Variants in OSMR observed in about 807,000 individuals in gnomAD.
OSMR encodes oncostatin M receptor.
Under a neutral mutation model 99.9 loss-of-function variants are expected in OSMR, and 81 were observed. That is an observed-to-expected ratio of 0.81 (90% CI 0.68 to 0.97). The LOEUF (loss-of-function observed/expected upper bound fraction) is 0.97. Among genes scored for constraint, OSMR ranks in the 50% least tolerant of loss-of-function variants. OSMR has a pLI of 0.00. For synonymous variants in OSMR, 406 were observed against 410.4 expected (o/e 0.99, Z 0.13); for missense variants, 1,099 against 1,153.4 (o/e 0.95, Z 0.68).
intron 1 of OSMR, among the ~76,000 whole-genome samples, chr5:38,865,594 G>T (rs1316256576): frequency 6.6e-6 from 1 of 152,224 alleles, no homozygotes; most frequent in Non-Finnish European, 1.5e-5. Context: ...GAAGGATGGG[G>T]ACACCAGACA....
At chr5:38,873,547 T>G (rs1032454593) in intron 2 of OSMR, among the ~76,000 whole-genome samples, 8 of 152,234 alleles carry the variant, frequency 5.3e-5, no homozygotes. Context: ...GTTAACTTTT[T>G]GAAGAACTGT....
At chr5:38,874,804 C>T (rs1045583057) in intron 2 of OSMR, among the ~76,000 whole-genome samples, 1 of 152,152 alleles carries the variant, frequency 6.6e-6, no homozygotes, top group African/African-American at 2.4e-5. Context: ...GTTATTTACC[C>T]TGATTGAGCT....
At chr5:38,903,485 G>A (rs537760019) in intron 7 of OSMR, among the ~76,000 whole-genome samples, 1 of 152,354 alleles carries the variant, frequency 6.6e-6, no homozygotes, top group East Asian at 1.9e-4. Context: ...CTCATCTAAA[G>A]ATGTTGCATT....
At position 38,884,219 on chromosome 5, in the gene OSMR, C is replaced by G; in HGVS notation, c.703+108C>G. On this transcript the variant is annotated intron_variant, in intron 5 of 17. Coordinates refer to ENST00000274276, the MANE Select transcript of OSMR (RefSeq NM_003999.3). ...CATTTCTACCCATGATCTTGATTTT[C>G]TTTTGTTTCCCAAGTTTTCTAGGAG... 4.1e-6 allele frequency: 4 copies of G among 966,042 alleles called. No individual in the cohort carries two copies. In the South Asian group the frequency reaches 5.3e-5, roughly 13 times the overall value. The allele number at this position is 966,042 out of a possible 1,614,324, so 59.8% of individuals were successfully genotyped here. A position where few individuals can be genotyped will look rare whatever the true frequency, so the allele number is the denominator to read the frequency against.
At chr5:38,867,414 TG>T (rs1226202423) in intron 1 of OSMR, among the ~76,000 whole-genome samples, 4 of 152,248 alleles carry the variant, frequency 2.6e-5, no homozygotes, top group African/African-American at 7.2e-5. Flanking sequence ...TCTGGTTTAC[TG>T]AATCGCTGGC....
chr5:38,870,784 T>C (rs1023031793), intron 2 of OSMR, among the ~76,000 whole-genome samples: 6 of 152,312 alleles, frequency 3.9e-5, no homozygotes, highest in South Asian at 4.1e-4. Flanking sequence ...TGGTGCCTTA[T>C]CTACTGGTTA....
chr5:38,853,964 C>T (rs892396265), intron 1 of OSMR, among the ~76,000 whole-genome samples: 3 of 151,596 alleles, frequency 2.0e-5, no homozygotes, highest in African/African-American at 7.3e-5. Context: ...GGAGTGAACA[C>T]TTGTAAGTAA....
At chr5:38,868,957 C>T in intron 1 of OSMR, 75 bp from the exon 2 acceptor site, 1 of 1,555,314 alleles carries the variant, frequency 6.4e-7, no homozygotes, top group East Asian at 2.4e-5. Flanking sequence ...CCTCATCTAC[C>T]ACAATTGGCT....
chr5:38,861,063 T>G lies in OSMR; in HGVS notation c.-13-7969T>G, dbSNP rs142827717. Among the ~76,000 whole-genome samples, 9 of 152,352 alleles carry G rather than the reference T, an allele frequency of 5.9e-5. No homozygotes were observed. The East Asian group carries it at 1.7e-3, about 29-fold the overall frequency. On this transcript the variant is annotated intron_variant, in intron 1 of 17. Transcript: ENST00000274276. ...GTTTCTCCTGTTATTGAATTCTAGT[T>G]TTATTCTGTTGTGGTTTGAGGAAAC...
At chr5:38,906,173 T>TC (rs1223962393) in intron 9 of OSMR, among the ~76,000 whole-genome samples, 6 of 151,196 alleles carry the variant, frequency 4.0e-5, no homozygotes, top group Non-Finnish European at 8.9e-5. Flanking sequence ...CGTTTTCTGT[T>TC]TTTTTTTTGA....
At chr5:38,945,002 G>C (rs1357166027) in exon 3 of OSMR, 1 of 1,612,638 alleles carries the variant, frequency 6.2e-7, no homozygotes, top group Non-Finnish European at 8.5e-7. Flanking sequence ...AAACTTAGAG[G>C]GAACCACTTC....
intron 1 of OSMR, among the ~76,000 whole-genome samples, chr5:38,863,964 C>A (rs1351901200): frequency 6.6e-6 from 1 of 152,188 alleles, no homozygotes; most frequent in African/African-American, 2.4e-5. Context: ...TATCTAAATA[C>A]AGCTACTCTC....
intron 7 of OSMR, chr5:38,903,666 TTTTTGTA>T (rs1161232560): frequency 3.5e-6 from 2 of 574,082 alleles, no homozygotes; most frequent in Non-Finnish European, 2.2e-6. Flanking sequence ...AAGTAGTTTC[TTTTTGTA>T]TTTTGTTCAA....
Position 38,918,979 on chromosome 5 carries a change from C to T in OSMR, c.1502C>T (p.Ser501Phe). The T allele has an allele frequency of 6.2e-7, 1 of 1,614,154 alleles. No homozygotes were observed. Among genetic ancestry groups the T allele is most frequent in the South Asian group, 1.1e-5 (1 of 91,084 alleles). Residue 501 changes from serine to phenylalanine, a missense_variant, in exon 11 of 18, where the codon TCC becomes TTC. By Grantham distance (155) the Ser-to-Phe change is radical. Coordinates refer to ENST00000274276, the MANE Select transcript of OSMR (RefSeq NM_003999.3). ...NSTKLILDRCSYQICVIANNS... is the reference protein window; with the variant it reads ...NSTKLILDRCFYQICVIANNS... ...ACAAAACTAATCCTTGACAGGTGTT[C>T]CTACCAAATCTGCGTCATAGCCAAC...
At chr5:38,914,776 G>C (rs55655968) in intron 9 of OSMR, among the ~76,000 whole-genome samples, 1 of 151,994 alleles carries the variant, frequency 6.6e-6, no homozygotes, top group Non-Finnish European at 1.5e-5. Context: ...AGTGGGAACT[G>C]AACATTGGGT....
intron 15 of OSMR, among the ~76,000 whole-genome samples, chr5:38,929,006 T>TATTG (rs541066411): frequency 8.1e-4 from 123 of 152,300 alleles, no homozygotes; most frequent in African/African-American, 2.8e-3. Context: ...GGCTTGTGAC[T>TATTG]ATTGATTATA....
At chr5:38,882,575 T>TCA (rs1446974933) in intron 4 of OSMR, among the ~76,000 whole-genome samples, 15 of 149,474 alleles carry the variant, frequency 1.0e-4, no homozygotes, top group Non-Finnish European at 1.5e-5. Context: ...ATTCTGTCTC[T>TCA]CACACACACA....
chr5:38,917,504 A>G lies in OSMR; in HGVS notation c.1286-42A>G, dbSNP rs771875676. 15 of 1,607,478 alleles carry G rather than the reference A, an allele frequency of 9.3e-6. No homozygotes were observed. The South Asian group carries it at 1.5e-4, about 17-fold the overall frequency. On this transcript the variant is annotated intron_variant, in intron 9 of 17. Transcript: ENST00000274276. ...AAAAAGGTTGAGCATATTGCTTTAC[A>G]TACATATTGTGACTCAAGAACTTTT...
chr5:38,880,513 C>G (rs1053823904), intron 3 of OSMR, among the ~76,000 whole-genome samples: 12 of 152,080 alleles, frequency 7.9e-5, no homozygotes, highest in African/African-American at 2.9e-4. Flanking sequence ...CAGCTAGCCG[C>G]AGTATATAGG....
Sources: allele counts gnomAD v4.1 joint callset (sites outside exome capture counted in the v4.1 genomes callset), GRCh38; gene constraint gnomAD v4.1.1; transcripts MANE v1.5; gene names NCBI Gene and HGNC (gene_info 2026-07-23, HGNC 2026-07-21).